Variants in TRPS1 observed in about 807,000 individuals in gnomAD.
The protein encoded by TRPS1 is transcriptional repressor GATA binding 1.
TRPS1 carries 6 observed loss-of-function variants against 101.2 expected under a neutral mutation model. The ratio of observed to expected loss-of-function variants is 0.06; its 90% confidence interval spans 0.03 to 0.12. TRPS1 has a LOEUF of 0.12. TRPS1 is among the 10% of genes least tolerant of loss of function. The probability of loss-of-function intolerance (pLI) is 1.00; values close to 1 mark genes in which losing one functional copy is unlikely to be tolerated. For missense variants in TRPS1, 1,363 were observed against 1,567.0 expected, an observed-to-expected ratio of 0.87 and a Z score of 2.20; for synonymous variants, 578 against 589.8, an observed-to-expected ratio of 0.98 and a Z score of 0.29.
chr8:115,446,875 C>T (rs1001770119), intron 5 of TRPS1, among the ~76,000 whole-genome samples: 8 of 152,154 alleles, frequency 5.3e-5, no homozygotes, highest in African/African-American at 1.7e-4. Flanking sequence ...TAGCAGTTTT[C>T]AGTGCTTAGC....
At chr8:115,563,946 GAA>G (rs1286299822) in intron 5 of TRPS1, among the ~76,000 whole-genome samples, 1 of 152,058 alleles carries the variant, frequency 6.6e-6, no homozygotes, top group Non-Finnish European at 1.5e-5. Context: ...TGGAAAAAAA[GAA>G]AAGTGCACTT....
intron 1 of TRPS1, among the ~76,000 whole-genome samples, chr8:115,643,624 T>C (rs1818952037): frequency 6.6e-6 from 1 of 152,208 alleles, no homozygotes; most frequent in African/African-American, 2.4e-5. Flanking sequence ...TCCACTAAAG[T>C]CTTGAAGCCT....
intron 5 of TRPS1, among the ~76,000 whole-genome samples, chr8:115,556,188 T>A (rs773010029): frequency 1.3e-5 from 2 of 152,178 alleles, no homozygotes; most frequent in Non-Finnish European, 2.9e-5. Context: ...AAGGTTCCTG[T>A]TGGCAATTAT....
intron 5 of TRPS1, among the ~76,000 whole-genome samples, chr8:115,525,896 T>C (rs959255939): frequency 1.3e-5 from 2 of 152,134 alleles, no homozygotes; most frequent in African/African-American, 4.8e-5. Flanking sequence ...CCAATGGAAA[T>C]AATTTAAAAG....
At chr8:115,431,242 A>G (rs1442976428) in intron 5 of TRPS1, among the ~76,000 whole-genome samples, 1 of 152,058 alleles carries the variant, frequency 6.6e-6, no homozygotes, top group Non-Finnish European at 1.5e-5. Flanking sequence ...TAGACATTAG[A>G]TTTTAAAGAT....
At chr8:115,430,689 C>T (rs1036485785) in intron 5 of TRPS1, among the ~76,000 whole-genome samples, 2 of 152,038 alleles carry the variant, frequency 1.3e-5, no homozygotes, top group African/African-American at 4.8e-5. Context: ...GTAGAAATGG[C>T]ATACGTTGGT....
intron 4 of TRPS1, among the ~76,000 whole-genome samples, chr8:115,599,810 T>C (rs906300296): frequency 5.9e-5 from 9 of 152,206 alleles, no homozygotes; most frequent in African/African-American, 2.2e-4. Context: ...TACATGTGCA[T>C]GTGTCTTTAT....
At chr8:115,628,350 A>G (rs992689897) in intron 1 of TRPS1, among the ~76,000 whole-genome samples, 1 of 151,774 alleles carries the variant, frequency 6.6e-6, no homozygotes, top group African/African-American at 2.4e-5. Flanking sequence ...ACAAAATACA[A>G]AATTTGGTTT....
chr8:115,522,978 T>C (rs895692443), intron 5 of TRPS1, among the ~76,000 whole-genome samples: 3 of 152,102 alleles, frequency 2.0e-5, no homozygotes, highest in Non-Finnish European at 4.4e-5. Context: ...AAAATTTGCA[T>C]TGTCCTTCTG....
intron 5 of TRPS1, among the ~76,000 whole-genome samples, chr8:115,570,622 G>T (rs1044406590): frequency 6.6e-6 from 1 of 151,584 alleles, no homozygotes; most frequent in Non-Finnish European, 1.5e-5. Context: ...TTGTTCTACT[G>T]TGTCCCATAC....
At chr8:115,529,074 A>G (rs1355064392) in intron 5 of TRPS1, among the ~76,000 whole-genome samples, 1 of 152,084 alleles carries the variant, frequency 6.6e-6, no homozygotes, top group Non-Finnish European at 1.5e-5. Context: ...GGAGACGATT[A>G]AAAACTAAGC....
chr8:115,657,295 G>A (rs905343764), intron 1 of TRPS1, among the ~76,000 whole-genome samples: 5 of 152,124 alleles, frequency 3.3e-5, no homozygotes, highest in South Asian at 2.1e-4. Context: ...TATTCATGTC[G>A]TAGCTCCTAA....
intron 5 of TRPS1, among the ~76,000 whole-genome samples, chr8:115,562,863 CT>C (rs1816977891): frequency 6.8e-6 from 1 of 146,996 alleles, no homozygotes; most frequent in Admixed American, 6.9e-5. Flanking sequence ...CCTACTCCCC[CT>C]ACCCACAGTG....
In TRPS1 at chr8:115,604,650, C is replaced by A. The variant is rs369448348; in HGVS notation, c.1319G>T (p.Gly440Val). 2.5e-6 allele frequency: 4 copies of A among 1,613,856 alleles called. No individual in the cohort carries two copies. The highest frequency in any genetic ancestry group is 3.4e-6 in the Non-Finnish European group (4 of 1,179,994). Residue 440 changes from glycine (G) to valine (V), a missense_variant, in exon 4 of 7, where the codon GGT (glycine) becomes GTT (valine). Gly to Val is a moderately radical substitution (Grantham distance 109, BLOSUM62 -3). Transcript: ENST00000395715. The surrounding 1 kb of genome is among the most constrained non-coding windows in gnomAD (Gnocchi z 4.1). ...CCAGTAGTAACTGGTGGCCTCTGTA[C>A]CATTTTGTCTAGAGGAATCGAGGGG... ...IKPLDSSRQN[G>V]TEATSYYWCK...
chr8:115,616,035 C>CTTTTTTTTTTTTTTTTTTTTTTT (rs1554598292), intron 3 of TRPS1, among the ~76,000 whole-genome samples: 4 of 152,060 alleles, frequency 2.6e-5, no homozygotes, highest in Non-Finnish European at 2.9e-5. Context: ...CTCTTGTTTT[C>CTTTTTTTTTTTTTTTTTTTTTTT]TTGGTAAAGA....
chr8:115,535,977 C>G (rs772158974), intron 5 of TRPS1, among the ~76,000 whole-genome samples: 3 of 151,934 alleles, frequency 2.0e-5, no homozygotes, highest in Non-Finnish European at 4.4e-5. Context: ...TAAATACACT[C>G]AAGAAAGCTA....
intron 5 of TRPS1, among the ~76,000 whole-genome samples, chr8:115,562,473 C>A (rs1331355571): frequency 6.7e-6 from 1 of 149,158 alleles, no homozygotes; most frequent in East Asian, 2.0e-4. Context: ...CCAAAATAAT[C>A]CAAAACTCAA....
At position 115,607,392 on chromosome 8, in the gene TRPS1, G is replaced by C. The variant is rs186754890; in HGVS notation, c.967-2390C>G. Among the ~76,000 whole-genome samples, 303 of 151,416 alleles carry C rather than the reference G, an allele frequency of 2.0e-3. 1 individual carries two copies. The highest frequency in any genetic ancestry group is 7.0e-3 in the African/African-American group (291 of 41,376). On this transcript the variant is annotated intron_variant, in intron 3 of 6. Coordinates refer to ENST00000395715, the MANE Select transcript of TRPS1 (RefSeq NM_014112.5). Reference sequence around the variant, plus strand: ...TAACTAAGCTATAAAAAACGAGTTAGGTCTTTGAAGTTGGTGTACGTGTCT... The same window carrying C: ...TAACTAAGCTATAAAAAACGAGTTACGTCTTTGAAGTTGGTGTACGTGTCT...
chr8:115,640,088 CAGAG>C (rs1204689274), intron 1 of TRPS1, among the ~76,000 whole-genome samples: 1 of 152,020 alleles, frequency 6.6e-6, no homozygotes, highest in Non-Finnish European at 1.5e-5. Context: ...AATCTGCATC[CAGAG>C]AAAGTCTTAA....
Sources: allele counts gnomAD v4.1 joint callset (sites outside exome capture counted in the v4.1 genomes callset), GRCh38; gene constraint gnomAD v4.1.1; non-coding constraint Gnocchi (gnomAD v3.1); transcripts MANE v1.5; gene names NCBI Gene and HGNC (gene_info 2026-07-23, HGNC 2026-07-21).